FSD1L: variants seen among roughly 807,000 people sequenced by gnomAD.
FSD1L encodes FSD1-like protein.
Under a neutral mutation model 71.6 loss-of-function variants are expected in FSD1L, and 45 were observed. That is an observed-to-expected ratio of 0.63 (90% CI 0.49 to 0.81). The LOEUF (loss-of-function observed/expected upper bound fraction) is 0.81. FSD1L is among the 30% of genes least tolerant of loss of function. The probability of loss-of-function intolerance (pLI) is 0.00; values close to 1 mark genes in which losing one functional copy is unlikely to be tolerated. For missense variants in FSD1L, 561 were observed against 618.1 expected, an observed-to-expected ratio of 0.91 and a Z score of 0.98; for synonymous variants, 197 against 207.2, an observed-to-expected ratio of 0.95 and a Z score of 0.42.
intron 9 of FSD1L, among the ~76,000 whole-genome samples, chr9:105,509,213 G>A (rs1834253844): frequency 2.6e-5 from 4 of 152,102 alleles, no homozygotes; most frequent in South Asian, 4.1e-4. Context: ...AGATATTATT[G>A]ATACCCATAT....
intron 13 of FSD1L, among the ~76,000 whole-genome samples, chr9:105,541,208 A>T (rs1836587976): frequency 6.6e-6 from 1 of 152,024 alleles, no homozygotes; most frequent in South Asian, 2.1e-4. Flanking sequence ...CTATTTTTAC[A>T]TTAAAAGTAA....
At chr9:105,526,150 C>T in intron 10 of FSD1L, 4 of 1,577,086 alleles carry the variant, frequency 2.5e-6, no homozygotes, top group East Asian at 2.2e-5. Context: ...TGGAAAGGTT[C>T]TACCCATTAT....
At position 105,522,660 on chromosome 9, in the gene FSD1L, G is replaced by A. The variant is rs1835249534; in HGVS notation, c.1025+9724G>A. 5 of 1,612,450 alleles carry A rather than the reference G, an allele frequency of 3.1e-6. No individual in the cohort carries two copies. The Admixed American group carries it at 8.3e-5, about 27-fold the overall frequency. On this transcript the variant is annotated intron_variant, in intron 10 of 13. Coordinates refer to ENST00000481272, the MANE Select transcript of FSD1L (RefSeq NM_001145313.3). ...AAGTAGCAGCACTTCTGACATCTTG[G>A]AACCATTCACTGTTGAACGAGCCAA...
intron 11 of FSD1L, among the ~76,000 whole-genome samples, chr9:105,534,861 G>A (rs578166689): frequency 4.6e-5 from 7 of 152,254 alleles, no homozygotes; most frequent in South Asian, 4.1e-4. Context: ...CCTCTGAAGC[G>A]TTTTATATTC....
intron 7 of FSD1L, among the ~76,000 whole-genome samples, chr9:105,493,038 G>C (rs550626264): frequency 4.6e-5 from 7 of 152,152 alleles, no homozygotes; most frequent in East Asian, 1.9e-4. Context: ...GAGCTGAGTT[G>C]AATTCCTGGA....
intron 2 of FSD1L, 22 bp from the exon 3 acceptor site, chr9:105,464,214 T>C: frequency 8.0e-7 from 1 of 1,243,044 alleles, no homozygotes. Context: ...ATATAGTATT[T>C]TAATGCTTTT....
intron 6 of FSD1L, among the ~76,000 whole-genome samples, chr9:105,479,947 G>A (rs908365546): frequency 2.0e-5 from 3 of 152,172 alleles, no homozygotes; most frequent in African/African-American, 7.2e-5. Context: ...TGGTTTAAAA[G>A]TTCTTTCTTA....
intron 7 of FSD1L, among the ~76,000 whole-genome samples, chr9:105,490,088 C>CCA (rs1217579487): frequency 5.3e-5 from 8 of 152,232 alleles, no homozygotes; most frequent in African/African-American, 1.9e-4. Context: ...ACACTGACTT[C>CCA]CACAAGGGAT....
intron 5 of FSD1L, among the ~76,000 whole-genome samples, chr9:105,476,138 T>A (rs1483946160): frequency 6.6e-6 from 1 of 152,224 alleles, no homozygotes; most frequent in Non-Finnish European, 1.5e-5. Context: ...CTGTTAACTT[T>A]TTTCTATGTG....
chr9:105,455,727 C>G lies in FSD1L; in HGVS notation c.16-5793C>G, dbSNP rs1363506321. Among the ~76,000 whole-genome samples, 5 of 152,240 alleles carry G rather than the reference C, an allele frequency of 3.3e-5. No individual in the cohort carries two copies. In the South Asian group the frequency reaches 1.0e-3, roughly 32 times the overall value. ...CATCTTGAATCTTTCCTTTTTCCAA[C>G]CATAAAATGTGAAGACTCATACTAC... On this transcript the variant is annotated intron_variant, in intron 1 of 13. Coordinates refer to ENST00000481272, the MANE Select transcript of FSD1L (RefSeq NM_001145313.3).
At chr9:105,487,828 A>G (rs542792582) in intron 7 of FSD1L, among the ~76,000 whole-genome samples, 1 of 152,320 alleles carries the variant, frequency 6.6e-6, no homozygotes, top group East Asian at 1.9e-4. Flanking sequence ...AGATTGTAAA[A>G]ATACACATAT....
At chr9:105,524,330 G>A in intron 10 of FSD1L, 1 of 1,613,714 alleles carries the variant, frequency 6.2e-7, no homozygotes, top group Non-Finnish European at 8.5e-7. Context: ...ATTCTCCCTT[G>A]AAAATTATTC....
chr9:105,525,866 C>G, intron 10 of FSD1L: 1 of 1,579,350 alleles, frequency 6.3e-7, no homozygotes, highest in Admixed American at 1.7e-5. Flanking sequence ...TATTTTGCTA[C>G]CTCTACAGTA....
At chr9:105,516,726 G>T (rs1478796617) in intron 10 of FSD1L, among the ~76,000 whole-genome samples, 1 of 152,146 alleles carries the variant, frequency 6.6e-6, no homozygotes, top group Non-Finnish European at 1.5e-5. Flanking sequence ...AGAAACCAGC[G>T]CAAAAAGGCT....
upstream of FSD1L, among the ~76,000 whole-genome samples, chr9:105,447,290 C>T (rs571475465): frequency 7.5e-6 from 1 of 132,760 alleles, no homozygotes; most frequent in Admixed American, 8.6e-5. Flanking sequence ...CACCACTGCA[C>T]TCCAGCCTCG....
intron 7 of FSD1L, among the ~76,000 whole-genome samples, chr9:105,486,030 C>T (rs555107755): frequency 6.8e-6 from 1 of 147,276 alleles, no homozygotes; most frequent in Non-Finnish European, 1.5e-5. Context: ...CTTTAAAATA[C>T]GATTGGAAAA....
chr9:105,522,476 A>G, intron 10 of FSD1L: 1 of 1,613,926 alleles, frequency 6.2e-7, no homozygotes, highest in Non-Finnish European at 8.5e-7. Flanking sequence ...CTGGTTCTCC[A>G]GGAACCGAAA....
chr9:105,524,649 C>T, intron 10 of FSD1L: 1 of 1,613,900 alleles, frequency 6.2e-7, no homozygotes, highest in East Asian at 2.2e-5. Context: ...TCCTTTTATG[C>T]ATTTGGAAAG....
In FSD1L at chr9:105,536,672, G is replaced by A. The variant is rs564404428; in HGVS notation, c.1378+1354G>A. On this transcript the variant is annotated intron_variant, in intron 12 of 13. Transcript: ENST00000481272. ...TGTTTTTGAGACAGAGTCTTACTCT[G>A]TTGTCCAGGCTGGAGTGCAGTGGCT... Among the ~76,000 whole-genome samples the A allele has an allele frequency of 1.4e-4, 22 of 152,172 alleles. No individual in the cohort carries two copies. In the South Asian group the frequency reaches 4.4e-3, roughly 30 times the overall value.
Sources: allele counts gnomAD v4.1 joint callset (sites outside exome capture counted in the v4.1 genomes callset), GRCh38; gene constraint gnomAD v4.1.1; transcripts MANE v1.5; gene names NCBI Gene and HGNC (gene_info 2026-07-23, HGNC 2026-07-21).